LRRC9: variants seen among roughly 807,000 people sequenced by gnomAD.
The protein encoded by LRRC9 is leucine rich repeat containing 9, also known as leucine-rich repeat-containing protein 9.
In LRRC9, 122 loss-of-function variants were observed where a neutral mutation model predicts 63.2. The ratio of observed to expected loss-of-function variants is 1.93; its 90% CI spans 1.67 to 2.24. LRRC9 has a LOEUF of 2.24. Ranked by LOEUF, LRRC9 falls within the 30% of genes most tolerant of loss-of-function variation. LRRC9 has a pLI of 0.00. For synonymous variants in LRRC9, 366 were observed against 213.1 expected (o/e 1.72, Z -6.25); for missense variants, 1,071 against 627.7 (o/e 1.71, Z -7.55).
At position 60,053,536 on chromosome 14, in the gene LRRC9, A is replaced by C. The variant is rs1894057545; in HGVS notation, c.4131+331A>C. Among the ~76,000 whole-genome samples the C allele has an allele frequency of 6.6e-6, 1 of 151,808 alleles. No individual in the cohort carries two copies. Among genetic ancestry groups the C allele is most frequent in the Non-Finnish European group, 1.5e-5 (1 of 68,020 alleles). Reference sequence around the variant, plus strand: ...ATGTCAGATGATGCTAGAACATAGGAAACTATAACATATCACTTTCATAAA... The same window carrying C: ...ATGTCAGATGATGCTAGAACATAGGCAACTATAACATATCACTTTCATAAA... On this transcript the variant is annotated intron_variant, in intron 30 of 31. Coordinates refer to ENST00000445360, the Ensembl canonical transcript of LRRC9. The surrounding 1 kb of genome is among the most constrained non-coding windows in gnomAD (Gnocchi z 4.8).
At chr14:60,040,886 A>C (rs1314102147) in intron 29 of LRRC9, among the ~76,000 whole-genome samples, 1 of 151,890 alleles carries the variant, frequency 6.6e-6, no homozygotes, top group Non-Finnish European at 1.5e-5. Flanking sequence ...ATGTTTTTGC[A>C]GTGGCTGGTA....
At chr14:59,935,660 C>G (rs1269468501) in intron 6 of LRRC9, among the ~76,000 whole-genome samples, 1 of 152,160 alleles carries the variant, frequency 6.6e-6, no homozygotes, top group African/African-American at 2.4e-5. Flanking sequence ...GGAGACCTAG[C>G]CTTGTTTGGG....
chr14:60,050,304 T>C (rs536057293), intron 29 of LRRC9, among the ~76,000 whole-genome samples: 2 of 152,276 alleles, frequency 1.3e-5, no homozygotes, highest in South Asian at 4.1e-4. Flanking sequence ...CCCTGTCTTA[T>C]TTCAGAAAGA....
At chr14:60,035,213 T>C (rs2140345021) in intron 29 of LRRC9, among the ~76,000 whole-genome samples, 1 of 152,268 alleles carries the variant, frequency 6.6e-6, no homozygotes, top group East Asian at 1.9e-4. Context: ...TTTTTTGCTG[T>C]TAAGTTGTTT....
At chr14:59,929,290 A>G (rs1373392105) in intron 3 of LRRC9, among the ~76,000 whole-genome samples, 1 of 152,166 alleles carries the variant, frequency 6.6e-6, no homozygotes, top group African/African-American at 2.4e-5. Context: ...GCAAAAGAAG[A>G]CATACATGTG....
intron 8 of LRRC9, among the ~76,000 whole-genome samples, chr14:59,947,011 G>A (rs1032273427): frequency 1.4e-5 from 2 of 147,392 alleles, no homozygotes; most frequent in Non-Finnish European, 3.0e-5. Flanking sequence ...TAGTCCTTTG[G>A]GTATATATCC....
chr14:60,014,575 C>T (rs1361549870), intron 23 of LRRC9, among the ~76,000 whole-genome samples: 3 of 152,128 alleles, frequency 2.0e-5, no homozygotes, highest in Admixed American at 2.0e-4. Flanking sequence ...TGTCGTGCCA[C>T]ATTCCCTGGT....
At chr14:59,921,897 A>G (rs547540445) in intron 1 of LRRC9, among the ~76,000 whole-genome samples, 2 of 151,948 alleles carry the variant, frequency 1.3e-5, no homozygotes, top group Non-Finnish European at 2.9e-5. Context: ...TAGCCTGGCC[A>G]ATATGGTGAA....
intron 24 of LRRC9, among the ~76,000 whole-genome samples, chr14:60,018,002 C>T (rs957228108): frequency 1.2e-4 from 19 of 152,066 alleles, no homozygotes; most frequent in African/African-American, 4.3e-4. Flanking sequence ...AAGTTTATAA[C>T]CTGAAAAGCT....
chr14:60,013,049 G>A (rs1035791744), intron 23 of LRRC9, among the ~76,000 whole-genome samples: 1 of 150,980 alleles, frequency 6.6e-6, no homozygotes, highest in African/African-American at 2.4e-5. Flanking sequence ...ATGTTGGTAT[G>A]CTGCACCCAT....
intron 17 of LRRC9, among the ~76,000 whole-genome samples, chr14:59,996,984 T>C (rs1201321350): frequency 2.0e-5 from 3 of 152,118 alleles, no homozygotes; most frequent in Non-Finnish European, 4.4e-5. Context: ...TAAAAAATCA[T>C]CTTTAAGAAG....
At chr14:60,025,075 TTTTTA>T (rs1345544084) in intron 27 of LRRC9, among the ~76,000 whole-genome samples, 1 of 151,340 alleles carries the variant, frequency 6.6e-6, no homozygotes, top group African/African-American at 2.4e-5. Context: ...TTTGGTTTTT[TTTTTA>T]TTTTTTATTT....
intron 12 of LRRC9, among the ~76,000 whole-genome samples, chr14:59,971,533 T>C (rs1885507110): frequency 6.6e-6 from 1 of 152,200 alleles, no homozygotes; most frequent in South Asian, 2.1e-4. Flanking sequence ...TATGGCCATT[T>C]TAACAATATT....
At chr14:59,979,234 AC>A (rs1435895755) in intron 15 of LRRC9, among the ~76,000 whole-genome samples, 10 of 152,168 alleles carry the variant, frequency 6.6e-5, no homozygotes, top group African/African-American at 2.4e-4. Context: ...TCTTGTCTCT[AC>A]AAAAAACTTT....
At position 59,990,925 on chromosome 14, in the gene LRRC9, T is replaced by C. The variant is rs763285764; in HGVS notation, c.2211+5701T>C. 6.6e-6 allele frequency among the ~76,000 whole-genome samples: 1 copy of C among 152,198 alleles called. No individual in the cohort carries two copies. The highest frequency in any genetic ancestry group is 1.5e-5 in the Non-Finnish European group (1 of 68,032). On this transcript the variant is annotated intron_variant, in intron 17 of 31. Transcript: ENST00000445360. This position sits in a 1 kb window ranked among gnomAD's most constrained non-coding sequence, Gnocchi z 4.2. ...CATGCAGGTCTTGTGTTGATGGTGGTTTATCTCTACCAACTTCTTTTGGAG... is the reference window on the plus strand; with the variant it reads ...CATGCAGGTCTTGTGTTGATGGTGGCTTATCTCTACCAACTTCTTTTGGAG...
intron 12 of LRRC9, among the ~76,000 whole-genome samples, chr14:59,974,045 C>T (rs1942816203): frequency 6.6e-6 from 1 of 151,964 alleles, no homozygotes; most frequent in Non-Finnish European, 1.5e-5. Flanking sequence ...GAGCTGTTTT[C>T]ACGGCAAGCA....
intron 17 of LRRC9, 64 bp from the exon 18 acceptor site, chr14:59,997,591 AG>A: frequency 1.6e-6 from 1 of 614,996 alleles, no homozygotes; most frequent in Admixed American, 2.7e-5. Context: ...AGAACCACAG[AG>A]AAACTATTTT....
chr14:59,935,842 T>C (rs1653095252), intron 6 of LRRC9, among the ~76,000 whole-genome samples: 2 of 152,208 alleles, frequency 1.3e-5, no homozygotes, highest in Admixed American at 6.5e-5. Flanking sequence ...CTGTGTGACT[T>C]GATCACAGCA....
At chr14:59,991,679 T>TAGCTCGGAGGGTCCTACGCCC (rs991959666) in intron 17 of LRRC9, among the ~76,000 whole-genome samples, 6 of 152,138 alleles carry the variant, frequency 3.9e-5, no homozygotes, top group Admixed American at 6.5e-5. Context: ...ATCCCGCGCA[T>TAGCTCGGAGGGTCCTACGCCC]AGCTCGGAGG....
Sources: gnomAD v4.1 joint callset for allele counts (sites outside exome capture counted in the v4.1 genomes callset) on GRCh38, gnomAD v4.1.1 for gene constraint, Gnocchi (gnomAD v3.1) non-coding constraint, MANE v1.5 for transcripts, NCBI Gene and HGNC (gene_info 2026-07-23, HGNC 2026-07-21) for gene names.